The following POU6F2 variants were observed in gnomAD, a reference collection of about 807,000 sequenced individuals.
POU6F2 encodes POU class 6 homeobox 2, also known as POU domain, class 6, transcription factor 2.
POU6F2 carries 31 observed loss-of-function variants against 71.3 expected under a neutral mutation model. That is an observed-to-expected ratio of 0.43 (90% CI 0.33 to 0.59). The LOEUF is 0.59. POU6F2 is among the 20% of genes least tolerant of loss of function. The pLI is 0.04. For missense variants in POU6F2, 783 were observed against 856.8 expected, an observed-to-expected ratio of 0.91 and a Z score of 1.07; for synonymous variants, 347 against 355.7, an observed-to-expected ratio of 0.98 and a Z score of 0.27.
At chr7:39,370,031 T>C (rs1050955710) in intron 5 of POU6F2, among the ~76,000 whole-genome samples, 2 of 152,156 alleles carry the variant, frequency 1.3e-5, no homozygotes, top group Non-Finnish European at 2.9e-5. Flanking sequence ...ATAGACTGAG[T>C]GTAAACATAA....
chr7:39,232,079 T>C (rs1794587490), intron 4 of POU6F2, among the ~76,000 whole-genome samples: 1 of 152,154 alleles, frequency 6.6e-6, no homozygotes, highest in African/African-American at 2.4e-5. Context: ...GATAGAAAAG[T>C]CAAAGTATAA....
intron 5 of POU6F2, among the ~76,000 whole-genome samples, chr7:39,356,302 G>A (rs995154492): frequency 1.7e-4 from 26 of 152,044 alleles, no homozygotes; most frequent in Admixed American, 1.7e-3. Flanking sequence ...ACCATGCCCA[G>A]ATGTGCCTGA....
chr7:39,340,392 C>A lies in POU6F2; in HGVS notation c.972+377C>A, dbSNP rs77312935. Among the ~76,000 whole-genome samples, 256 of 152,344 alleles carry A rather than the reference C, an allele frequency of 1.7e-3. 1 individual carries two copies. The highest frequency in any genetic ancestry group is 5.8e-3 in the African/African-American group (242 of 41,578). ...CACAGTTTTGTAGCCCCATGGAGAA[C>A]TGCATCTACTGTCCATGAGGCATGG... On this transcript the variant is annotated intron_variant, in intron 5 of 9. Transcript: ENST00000518318.
chr7:38,991,065 C>A (rs1489190195), intron 1 of POU6F2, among the ~76,000 whole-genome samples: 1 of 152,066 alleles, frequency 6.6e-6, no homozygotes, highest in Non-Finnish European at 1.5e-5. Flanking sequence ...AGACAAGAGA[C>A]TATGCTGCCC....
intron 1 of POU6F2, among the ~76,000 whole-genome samples, chr7:38,992,276 C>T (rs374508045): frequency 3.9e-5 from 6 of 152,130 alleles, no homozygotes; most frequent in African/African-American, 4.8e-5. Context: ...TTGTTTTTTG[C>T]GCTCTGCTCC....
intron 4 of POU6F2, among the ~76,000 whole-genome samples, chr7:39,276,616 G>T (rs746382915): frequency 6.0e-5 from 9 of 150,866 alleles, no homozygotes; most frequent in Admixed American, 4.6e-4. Flanking sequence ...TGTTTATTGC[G>T]GCACTATTCA....
intron 2 of POU6F2, among the ~76,000 whole-genome samples, chr7:39,187,080 G>A (rs1333151920): frequency 6.6e-6 from 1 of 152,212 alleles, no homozygotes; most frequent in Non-Finnish European, 1.5e-5. Context: ...GCCAGAAACT[G>A]CAATTATGCA....
chr7:39,309,577 C>T (rs1484786725), intron 4 of POU6F2, among the ~76,000 whole-genome samples: 1 of 152,072 alleles, frequency 6.6e-6, no homozygotes, highest in East Asian at 1.9e-4. Flanking sequence ...ATTTTTTTTC[C>T]TCAGGTTCAC....
At chr7:39,282,782 T>C (rs1784583133) in intron 4 of POU6F2, among the ~76,000 whole-genome samples, 1 of 152,158 alleles carries the variant, frequency 6.6e-6, no homozygotes, top group African/African-American at 2.4e-5. Context: ...TGTGGTTCTA[T>C]ATGAATTTTA....
intron 8 of POU6F2, among the ~76,000 whole-genome samples, chr7:39,456,799 T>C (rs932971593): frequency 2.6e-5 from 4 of 152,238 alleles, no homozygotes; most frequent in African/African-American, 9.6e-5. Flanking sequence ...CCTGTTTAAA[T>C]TTCATAAGAA....
At chr7:39,407,960 G>A (rs1253158837) in intron 6 of POU6F2, among the ~76,000 whole-genome samples, 1 of 152,322 alleles carries the variant, frequency 6.6e-6, no homozygotes, top group East Asian at 1.9e-4. Context: ...TATGAACACT[G>A]TGCCCTCTAC....
At chr7:39,044,057 T>G (rs879472793) in intron 1 of POU6F2, among the ~76,000 whole-genome samples, 2 of 151,876 alleles carry the variant, frequency 1.3e-5, no homozygotes, top group Non-Finnish European at 2.9e-5. Context: ...TCAGATGCAT[T>G]GAAGTAGAAT....
At chr7:39,007,527 CT>C (rs911802946) in intron 1 of POU6F2, among the ~76,000 whole-genome samples, 9 of 151,888 alleles carry the variant, frequency 5.9e-5, no homozygotes, top group Non-Finnish European at 1.2e-4. Flanking sequence ...TAGATATGTA[CT>C]TTTTTTTCTT....
At chr7:39,314,300 A>G (rs1184849794) in intron 4 of POU6F2, among the ~76,000 whole-genome samples, 3 of 151,914 alleles carry the variant, frequency 2.0e-5, no homozygotes, top group African/African-American at 7.3e-5. Context: ...GTAATTGAGC[A>G]AGCAGATCAT....
At chr7:39,216,338 A>G (rs1000154756) in intron 4 of POU6F2, among the ~76,000 whole-genome samples, 4 of 152,236 alleles carry the variant, frequency 2.6e-5, no homozygotes, top group Non-Finnish European at 4.4e-5. Context: ...CAGAACACAC[A>G]CATTAACAAT....
chr7:39,048,946 T>C (rs566530978), intron 1 of POU6F2, among the ~76,000 whole-genome samples: 3 of 152,160 alleles, frequency 2.0e-5, no homozygotes, highest in African/African-American at 7.2e-5. Context: ...CATTTCTGTC[T>C]TTCTAGAAAT....
At chr7:38,985,071 A>G (rs1261755357) in intron 1 of POU6F2, 2 of 152,152 alleles carry the variant, frequency 1.3e-5, no homozygotes, top group Non-Finnish European at 2.9e-5. Context: ...AGAAGCCGTA[A>G]TTGATACTGA....
intron 5 of POU6F2, among the ~76,000 whole-genome samples, chr7:39,394,021 A>G (rs945889559): frequency 1.8e-4 from 27 of 152,362 alleles, no homozygotes; most frequent in Admixed American, 1.4e-3. Context: ...GGAGTAAAAT[A>G]CATCAGAATG....
intron 1 of POU6F2, among the ~76,000 whole-genome samples, chr7:39,018,926 A>T (rs1238159640): frequency 2.0e-5 from 3 of 152,148 alleles, no homozygotes; most frequent in Admixed American, 2.0e-4. Context: ...TGCTTCTTGG[A>T]AACACTCCTT....
Sources: gnomAD v4.1 joint callset for allele counts (sites outside exome capture counted in the v4.1 genomes callset) on GRCh38, gnomAD v4.1.1 for gene constraint, MANE v1.5 for transcripts, NCBI Gene and HGNC (gene_info 2026-07-23, HGNC 2026-07-21) for gene names.